Variants in COBL observed in about 807,000 individuals in gnomAD.
COBL encodes the protein cordon-bleu WH2 repeat protein.
Under a neutral mutation model 98.8 loss-of-function variants are expected in COBL, and 51 were observed. The ratio of observed to expected loss-of-function variants is 0.52; its 90% CI spans 0.41 to 0.65. The LOEUF (loss-of-function observed/expected upper bound fraction) is 0.65, where lower values mean the gene tolerates loss of function less well. Among genes scored for constraint, COBL ranks in the 30% least tolerant of loss-of-function variants. The pLI, the probability that COBL is intolerant of heterozygous loss-of-function variation, is 0.00. For missense variants in COBL, 1,617 were observed against 1,617.5 expected, an observed-to-expected ratio of 1.00 and a Z score of 0.01; for synonymous variants, 634 against 651.7, an observed-to-expected ratio of 0.97 and a Z score of 0.41.
Position 51,028,160 on chromosome 7 carries a change from A to C in COBL, c.2936T>G (p.Val979Gly). ...AIHRSSCFSL[V>G]QSSQRDRVSV... The stretch of plus-strand genomic sequence containing the variant: ...AACACGATCCCTCTGGGAAGACTGA[A>C]CCAGTGAGAAACAGGAGCTTCTGTG... Residue 979 changes from valine (V) to glycine (G), a missense_variant, in exon 10 of 13, where the codon GTT becomes GGT. Physicochemically the swap from Val to Gly is moderately radical, Grantham distance 109 (BLOSUM62 -3). Around this residue, in one of 3 missense-constraint regions of COBL, gnomAD observed 1,304 missense variants for 1,282.0 expected, o/e 1.02. Coordinates refer to ENST00000265136, the MANE Select transcript of COBL (RefSeq NM_015198.5). The C allele has an allele frequency of 6.2e-7, 1 of 1,614,212 alleles. No individual in the cohort carries two copies. The highest frequency in any genetic ancestry group is 8.5e-7 in the Non-Finnish European group (1 of 1,180,034).
intron 1 of COBL, among the ~76,000 whole-genome samples, chr7:51,259,194 G>A (rs1797482892): frequency 6.7e-6 from 1 of 150,082 alleles, no homozygotes; most frequent in Non-Finnish European, 1.5e-5. Flanking sequence ...GGCTGAGGCA[G>A]AAGAATCGCT....
At position 51,168,765 on chromosome 7, in the gene COBL, G is replaced by C. The variant is rs1401288809; in HGVS notation, c.783+15337C>G. On this transcript the variant is annotated intron_variant, in intron 5 of 12. Coordinates refer to ENST00000265136, the MANE Select transcript of COBL (RefSeq NM_015198.5). ...ATATGATCCAGCAATCCCACTACTG[G>C]GTACATACCCAAAAGAAAGGAAATT... is the stretch of plus-strand genomic sequence containing the variant. Among the ~76,000 whole-genome samples, 4 of 152,040 alleles carry C rather than the reference G, an allele frequency of 2.6e-5. No homozygotes were observed. The East Asian group carries it at 7.7e-4, about 29-fold the overall frequency.
At chr7:51,096,602 C>T (rs1270807475) in intron 6 of COBL, among the ~76,000 whole-genome samples, 2 of 151,594 alleles carry the variant, frequency 1.3e-5, no homozygotes, top group South Asian at 4.2e-4. Flanking sequence ...AATTGACTAC[C>T]CTTAGTTACA....
chr7:51,182,894 A>G (rs567915859), intron 5 of COBL, among the ~76,000 whole-genome samples: 13 of 152,198 alleles, frequency 8.5e-5, no homozygotes, highest in Non-Finnish European at 1.9e-4. Flanking sequence ...TCTTAAAGAC[A>G]GGAAGTCTGC....
chr7:51,267,636 G>A (rs1018432584), intron 1 of COBL, among the ~76,000 whole-genome samples: 5 of 152,110 alleles, frequency 3.3e-5, no homozygotes, highest in Admixed American at 6.5e-5. Flanking sequence ...GTACAGTAGC[G>A]CAATCTCAGC....
intron 6 of COBL, among the ~76,000 whole-genome samples, chr7:51,099,561 A>G (rs554792093): frequency 6.6e-6 from 1 of 152,364 alleles, no homozygotes; most frequent in East Asian, 1.9e-4. Flanking sequence ...TTTAGAAAGT[A>G]GAATGGTGGT....
chr7:51,020,554 C>T (rs1786827196), intron 12 of COBL, among the ~76,000 whole-genome samples: 1 of 152,208 alleles, frequency 6.6e-6, no homozygotes, highest in Non-Finnish European at 1.5e-5. Context: ...ACATTCCAGG[C>T]CTTCTGAAAT....
At chr7:51,164,973 A>G (rs541728432) in intron 5 of COBL, among the ~76,000 whole-genome samples, 1 of 152,196 alleles carries the variant, frequency 6.6e-6, no homozygotes, top group South Asian at 2.1e-4. Context: ...GTAACTTCCA[A>G]CGAAATAACA....
At chr7:51,223,996 T>C (rs895413611) in intron 1 of COBL, among the ~76,000 whole-genome samples, 1 of 152,222 alleles carries the variant, frequency 6.6e-6, no homozygotes, top group Admixed American at 6.5e-5. Context: ...CCTAAGACTG[T>C]AATACCTTTC....
At chr7:51,063,143 T>C (rs1562861432) in intron 7 of COBL, among the ~76,000 whole-genome samples, 1 of 151,804 alleles carries the variant, frequency 6.6e-6, no homozygotes, top group East Asian at 1.9e-4. Context: ...TCTCTCTTTT[T>C]TTTTTTTTTT....
At chr7:51,234,397 C>T (rs186831681) in intron 1 of COBL, among the ~76,000 whole-genome samples, 1 of 152,352 alleles carries the variant, frequency 6.6e-6, no homozygotes, top group Admixed American at 6.5e-5. Flanking sequence ...CCAAATAACA[C>T]CACCATCAAG....
chr7:51,197,470 G>T (rs1790701125), intron 2 of COBL, among the ~76,000 whole-genome samples: 1 of 151,976 alleles, frequency 6.6e-6, no homozygotes, highest in African/African-American at 2.4e-5. Flanking sequence ...AAGCCATGTG[G>T]CAATGAAAAA....
intron 1 of COBL, among the ~76,000 whole-genome samples, chr7:51,221,667 A>G (rs1180116403): frequency 6.6e-6 from 1 of 152,218 alleles, no homozygotes; most frequent in African/African-American, 2.4e-5. Context: ...TAGAAAGATA[A>G]AGAATTGGCA....
At chr7:51,078,756 C>A (rs1296085582) in intron 7 of COBL, among the ~76,000 whole-genome samples, 1 of 152,188 alleles carries the variant, frequency 6.6e-6, no homozygotes, top group Non-Finnish European at 1.5e-5. Flanking sequence ...GTAGGCTCTA[C>A]TGGGGAAGGA....
chr7:51,127,095 T>G (rs1429989984), intron 6 of COBL, among the ~76,000 whole-genome samples: 1 of 152,130 alleles, frequency 6.6e-6, no homozygotes, highest in Non-Finnish European at 1.5e-5. Flanking sequence ...CTCAAGGCCG[T>G]GGGACGTGGA....
intron 1 of COBL, among the ~76,000 whole-genome samples, chr7:51,224,597 CAGG>C (rs1794001836): frequency 6.6e-6 from 1 of 152,142 alleles, no homozygotes. Context: ...CTGCACATCA[CAGG>C]AGAAGACGCT....
chr7:51,210,454 C>G (rs1792306345), intron 2 of COBL, among the ~76,000 whole-genome samples: 1 of 152,234 alleles, frequency 6.6e-6, no homozygotes, highest in African/African-American at 2.4e-5. Flanking sequence ...GCACCCAGGA[C>G]AGCGGGGCTT....
At chr7:51,097,727 A>C (rs574641374) in intron 6 of COBL, among the ~76,000 whole-genome samples, 14 of 152,244 alleles carry the variant, frequency 9.2e-5, no homozygotes, top group Non-Finnish European at 1.9e-4. Context: ...AAATACTTAG[A>C]AATAAGCTTA....
intron 7 of COBL, among the ~76,000 whole-genome samples, chr7:51,080,189 GATAAA>G (rs1379978935): frequency 2.6e-5 from 4 of 152,222 alleles, no homozygotes; most frequent in Non-Finnish European, 4.4e-5. Context: ...GAGTTGAAGA[GATAAA>G]ATAAAGGGTG....
Sources: gnomAD v4.1 joint callset for allele counts (sites outside exome capture counted in the v4.1 genomes callset) on GRCh38, gnomAD v4.1.1 for gene constraint, gnomAD v4.1.1 regional missense constraint, MANE v1.5 for transcripts, NCBI Gene and HGNC (gene_info 2026-07-23, HGNC 2026-07-21) for gene names.